Variants in FBXO11 observed in about 807,000 individuals in gnomAD.
The protein encoded by FBXO11 is F-box only protein 11.
Under a neutral mutation model 117.0 loss-of-function variants are expected in FBXO11, and 13 were observed. The observed-to-expected ratio is 0.11, with a 90% confidence interval of 0.07 to 0.18. The LOEUF (loss-of-function observed/expected upper bound fraction) is 0.18, where lower values mean the gene tolerates loss of function less well. FBXO11 is among the 10% of genes least tolerant of loss of function. The probability of loss-of-function intolerance (pLI) is 1.00; values close to 1 mark genes in which losing one functional copy is unlikely to be tolerated. For synonymous variants in FBXO11, 490 were observed against 380.5 expected, an observed-to-expected ratio of 1.29 and a Z score of -3.35; for missense variants, 767 against 1,164.4, an observed-to-expected ratio of 0.66 and a Z score of 4.97.
intron 1 of FBXO11, among the ~76,000 whole-genome samples, chr2:47,851,220 A>G (rs572703110): frequency 6.6e-6 from 1 of 151,914 alleles, no homozygotes; most frequent in Non-Finnish European, 1.5e-5. Context: ...AATGCTATTA[A>G]TTTTTTCTTT....
intron 1 of FBXO11, among the ~76,000 whole-genome samples, chr2:47,900,958 G>T (rs543158584): frequency 7.0e-6 from 1 of 142,522 alleles, no homozygotes; most frequent in Non-Finnish European, 1.5e-5. Flanking sequence ...TTTAAAAATT[G>T]AAATCATTCA....
chr2:47,892,381 CAT>C (rs1166164936), intron 1 of FBXO11, among the ~76,000 whole-genome samples: 13 of 152,362 alleles, frequency 8.5e-5, no homozygotes, highest in East Asian at 3.9e-4. Flanking sequence ...GTTATTAACA[CAT>C]GTCACTGATT....
intron 1 of FBXO11, among the ~76,000 whole-genome samples, chr2:47,888,987 G>A (rs4952896): frequency 0.79 from 120,319 of 152,186 alleles, 48,330 homozygotes; most frequent in African/African-American, 0.94. Context: ...ATGTAAATTA[G>A]GTAATTATAT....
At chr2:47,903,466 G>A (rs780797260) in intron 1 of FBXO11, among the ~76,000 whole-genome samples, 2 of 152,226 alleles carry the variant, frequency 1.3e-5, no homozygotes, top group Non-Finnish European at 2.9e-5. Flanking sequence ...ACACTGGCAT[G>A]TGACTGCCAA....
intron 1 of FBXO11, among the ~76,000 whole-genome samples, chr2:47,887,478 A>G (rs1050020780): frequency 6.6e-6 from 1 of 152,122 alleles, no homozygotes; most frequent in Non-Finnish European, 1.5e-5. Flanking sequence ...CTGTAATCCC[A>G]GCACTTTGTG....
intron 1 of FBXO11, among the ~76,000 whole-genome samples, chr2:47,904,000 T>C (rs906978198): frequency 1.3e-5 from 2 of 152,226 alleles, no homozygotes; most frequent in Admixed American, 1.3e-4. Flanking sequence ...TCACATTCTT[T>C]CAAGCAACAT....
At position 47,900,667 on chromosome 2, in the gene FBXO11, C is replaced by T. The variant is rs376558861; in HGVS notation, c.232+4822G>A. On this transcript the variant is annotated intron_variant, in intron 1 of 22. Coordinates refer to ENST00000403359, the MANE Select transcript of FBXO11 (RefSeq NM_001190274.2). The stretch of plus-strand genomic sequence containing the variant: ...ATATACACACGTATACACACACGTA[C>T]GTATATACACACGTATACACACACG... Among the ~76,000 whole-genome samples the T allele has an allele frequency of 6.4e-4, 24 of 37,682 alleles. 1 individual carries two copies. The highest frequency in any genetic ancestry group is 4.1e-3 in the African/African-American group (21 of 5,180). 24.7% of individuals were successfully genotyped at this position (37,682 alleles called of 152,430 possible). A position where few individuals can be genotyped will look rare whatever the true frequency, so the allele number is the denominator to read the frequency against.
chr2:47,882,193 A>C (rs1676479089), intron 1 of FBXO11, among the ~76,000 whole-genome samples: 1 of 152,220 alleles, frequency 6.6e-6, no homozygotes, highest in Non-Finnish European at 1.5e-5. Flanking sequence ...TTTGTTCCTT[A>C]AGAACAATGT....
rs575723984 is a variant in FBXO11 at position 47,807,652 on chromosome 2, A to C, written c.*466T>G. The C allele has an allele frequency of 4.8e-6, 1 of 206,688 alleles. No homozygotes were observed. Among genetic ancestry groups the C allele is most frequent in the Non-Finnish European group, 9.4e-6 (1 of 106,782 alleles). The allele number at this position is 206,688 out of a possible 1,614,324, so 12.8% of individuals were successfully genotyped here. On this transcript the variant is annotated 3_prime_UTR_variant, in exon 23 of 23. Coordinates refer to ENST00000403359, the MANE Select transcript of FBXO11 (RefSeq NM_001190274.2). ...TTAAAGCATTAAAATCATATTTCTC[A>C]ATCTGAATACATGTTAAAAAAAAAA...
At chr2:47,810,006 C>G (rs1374689397) in intron 19 of FBXO11, 1 of 488,688 alleles carries the variant, frequency 2.0e-6, no homozygotes, top group East Asian at 3.5e-5. Context: ...CAGATTTAAA[C>G]TGGTAAATTC....
At chr2:47,850,534 G>A (rs1673779356) in intron 1 of FBXO11, among the ~76,000 whole-genome samples, 1 of 152,154 alleles carries the variant, frequency 6.6e-6, no homozygotes, top group Non-Finnish European at 1.5e-5. Flanking sequence ...CAATTTTTGA[G>A]AGGCAGCCAT....
intron 11 of FBXO11, among the ~76,000 whole-genome samples, chr2:47,826,337 G>A (rs529894137): frequency 6.6e-6 from 1 of 152,158 alleles, no homozygotes; most frequent in South Asian, 2.1e-4. Flanking sequence ...GATTACAGGT[G>A]TGAGCCACCG....
At chr2:47,818,572 T>G in intron 16 of FBXO11, 1 of 497,370 alleles carries the variant, frequency 2.0e-6, no homozygotes, top group Non-Finnish European at 3.6e-6. Context: ...AGTGAGCTCT[T>G]ATGGCACATG....
chr2:47,820,797 C>G (rs1671322508), intron 13 of FBXO11, among the ~76,000 whole-genome samples: 1 of 152,166 alleles, frequency 6.6e-6, no homozygotes, highest in South Asian at 2.1e-4. Context: ...GTATCTACCT[C>G]ACAGTGTTGA....
At chr2:47,890,720 C>A (rs1187881798) in intron 1 of FBXO11, among the ~76,000 whole-genome samples, 2 of 151,954 alleles carry the variant, frequency 1.3e-5, no homozygotes. Flanking sequence ...CAGGAGACTT[C>A]TTGAACTCGG....
intron 13 of FBXO11, among the ~76,000 whole-genome samples, chr2:47,821,986 G>A (rs1285649465): frequency 3.3e-5 from 5 of 152,166 alleles, no homozygotes; most frequent in African/African-American, 9.7e-5. Context: ...CAGGGAGGCT[G>A]AAGGAGGAAG....
intron 4 of FBXO11, 59 bp downstream of exon 4, chr2:47,838,800 T>C (rs1672792918): frequency 6.5e-7 from 1 of 1,532,990 alleles, no homozygotes; most frequent in Admixed American, 1.8e-5. Flanking sequence ...CTACCATGTT[T>C]AGCATTTTGG....
intron 1 of FBXO11, among the ~76,000 whole-genome samples, chr2:47,903,430 T>C (rs982792821): frequency 1.3e-5 from 2 of 152,190 alleles, no homozygotes; most frequent in African/African-American, 4.8e-5. Context: ...ATTGACAGTT[T>C]ATAGACATCA....
rs775765831 is a variant in FBXO11, at chr2:47,819,046, A to G, written c.1830T>C (p.Asn610=). 5 of 1,613,654 alleles carry G rather than the reference A, an allele frequency of 3.1e-6. No individual in the cohort carries two copies. In the Admixed American group the frequency reaches 8.3e-5, roughly 27 times the overall value. ...HEKGQGVIEE[N]EVYSNTLAGV... is the part of the protein sequence containing the mutation. Reference sequence around the variant, plus strand: ...CAGCTAGAGTGTTACTATAAACTTCATTCTCTTCTATTACTCCTTGTCCCT... The same window carrying G: ...CAGCTAGAGTGTTACTATAAACTTCGTTCTCTTCTATTACTCCTTGTCCCT... The change falls in exon 15 of 23, where the codon AAT becomes AAC. Residue 610 remains asparagine (N), a synonymous_variant. Transcript: ENST00000403359.
Sources: gnomAD v4.1 joint callset for allele counts (sites outside exome capture counted in the v4.1 genomes callset) on GRCh38, gnomAD v4.1.1 for gene constraint, MANE v1.5 for transcripts, NCBI Gene and HGNC (gene_info 2026-07-23, HGNC 2026-07-21) for gene names.